Variants in ITGA9 observed in about 807,000 individuals in gnomAD.
ITGA9 encodes the protein integrin subunit alpha 9, also known as integrin alpha-9.
Under a neutral mutation model 127.8 loss-of-function variants are expected in ITGA9, and 56 were observed. The observed-to-expected ratio is 0.44, with a 90% confidence interval of 0.35 to 0.55. The LOEUF (loss-of-function observed/expected upper bound fraction) is 0.55. ITGA9 is among the 20% of genes least tolerant of loss of function. The pLI, the probability that ITGA9 is intolerant of heterozygous loss-of-function variation, is 0.00. For synonymous variants in ITGA9, 508 were observed against 514.5 expected, an observed-to-expected ratio of 0.99 and a Z score of 0.17; for missense variants, 1,196 against 1,347.1, an observed-to-expected ratio of 0.89 and a Z score of 1.76.
chr3:37,663,913 A>T (rs1368782213), intron 17 of ITGA9, among the ~76,000 whole-genome samples: 1 of 152,210 alleles, frequency 6.6e-6, no homozygotes, highest in Admixed American at 6.5e-5. Flanking sequence ...TACATATCCA[A>T]GTGCTTCTAA....
At chr3:37,595,905 T>C (rs894581220) in intron 15 of ITGA9, among the ~76,000 whole-genome samples, 7 of 152,216 alleles carry the variant, frequency 4.6e-5, no homozygotes, top group African/African-American at 1.7e-4. Context: ...TGTCTCAGCA[T>C]GGCAGGAAGG....
chr3:37,500,891 A>G (rs569371907), intron 5 of ITGA9, among the ~76,000 whole-genome samples: 3 of 152,310 alleles, frequency 2.0e-5, no homozygotes, highest in African/African-American at 7.2e-5. Context: ...AGCATCTGTT[A>G]TCCCCATGAG....
chr3:37,710,576 C>T (rs778530530), intron 18 of ITGA9, among the ~76,000 whole-genome samples: 5 of 152,296 alleles, frequency 3.3e-5, no homozygotes, highest in Non-Finnish European at 5.9e-5. Flanking sequence ...TCCTGAACAT[C>T]GGAGATAGAT....
At chr3:37,581,788 G>C (rs769859184) in intron 15 of ITGA9, among the ~76,000 whole-genome samples, 1 of 152,166 alleles carries the variant, frequency 6.6e-6, no homozygotes, top group East Asian at 1.9e-4. Flanking sequence ...ACTTGGGATG[G>C]GCTTTGGAAC....
intron 4 of ITGA9, among the ~76,000 whole-genome samples, chr3:37,485,502 G>T (rs905262956): frequency 2.0e-5 from 3 of 152,102 alleles, no homozygotes; most frequent in African/African-American, 4.8e-5. Flanking sequence ...ACCGCTTTGG[G>T]TTATGGTGAG....
intron 18 of ITGA9, among the ~76,000 whole-genome samples, chr3:37,730,465 A>T (rs1320744543): frequency 6.6e-6 from 1 of 152,180 alleles, no homozygotes; most frequent in Non-Finnish European, 1.5e-5. Context: ...TTGAGAAATT[A>T]TTCTCTGGTT....
chr3:37,816,383 G>A (rs1353929350), intron 27 of ITGA9, among the ~76,000 whole-genome samples: 2 of 152,286 alleles, frequency 1.3e-5, no homozygotes, highest in African/African-American at 2.4e-5. Context: ...TACAACATCA[G>A]CAGCCAAAGG....
Position 37,526,058 on chromosome 3 carries a change from G to A in ITGA9, c.1360G>A (p.Val454Met), listed in dbSNP as rs199626430. ...VTVGAFMSDSVVLLRARPVIT... is the reference protein window; with the variant it reads ...VTVGAFMSDSMVLLRARPVIT... ...TGTTGGAGCCTTCATGTCCGACAGC[G>A]TGGTTCTTCTCAGGTGAGAGGCCCC... is the stretch of plus-strand genomic sequence containing the variant. Residue 454 changes from valine to methionine, a missense_variant, in exon 13 of 28, where the codon GTG becomes ATG. Transcript: ENST00000264741. The A allele has an allele frequency of 3.7e-5, 60 of 1,614,070 alleles. No individual in the cohort carries two copies. Among genetic ancestry groups the A allele is most frequent in the Admixed American group, 2.5e-4 (15 of 60,016 alleles).
chr3:37,623,116 C>G (rs1158169799), intron 15 of ITGA9, among the ~76,000 whole-genome samples: 2 of 152,086 alleles, frequency 1.3e-5, no homozygotes, highest in African/African-American at 4.8e-5. Flanking sequence ...CAAACAACTT[C>G]TGGGTCACTG....
At chr3:37,743,816 G>T (rs572301831) in intron 21 of ITGA9, 110 bp from the exon 22 acceptor site, 2 of 805,028 alleles carry the variant, frequency 2.5e-6, no homozygotes, top group Non-Finnish European at 4.4e-6. Context: ...GAAGCACTGG[G>T]TGCAAGACAC....
intron 22 of ITGA9, among the ~76,000 whole-genome samples, chr3:37,744,556 G>C (rs1387628682): frequency 6.6e-6 from 1 of 152,220 alleles, no homozygotes; most frequent in African/African-American, 2.4e-5. Flanking sequence ...CCCTCACTGA[G>C]CCATGGCTGG....
intron 15 of ITGA9, among the ~76,000 whole-genome samples, chr3:37,573,665 G>A (rs114349411): frequency 0.027 from 4,081 of 152,266 alleles, 177 homozygotes; most frequent in African/African-American, 0.091. Context: ...TGAGATTTCC[G>A]AGAGAGTGCG....
chr3:37,788,736 TTC>T (rs1697069952), intron 26 of ITGA9, among the ~76,000 whole-genome samples: 1 of 152,182 alleles, frequency 6.6e-6, no homozygotes, highest in Non-Finnish European at 1.5e-5. Flanking sequence ...TTGATATTTT[TTC>T]TCTCTTTCAA....
At position 37,814,827 on chromosome 3, in the gene ITGA9, G is replaced by A. The variant is rs1697410725; in HGVS notation, c.3010-4064G>A. ...CCCCCAGCCCCTTAAATGCAGTGTA[G>A]CACCTGCACTACTGTACCTACAACT... On this transcript the variant is annotated intron_variant, in intron 27 of 27. Transcript: ENST00000264741. This position sits in a 1 kb window ranked among gnomAD's most constrained non-coding sequence, Gnocchi z 4.3. Among the ~76,000 whole-genome samples the A allele has an allele frequency of 6.6e-6, 1 of 152,152 alleles. No individual in the cohort carries two copies. The highest frequency in any genetic ancestry group is 2.1e-4 in the South Asian group (1 of 4,832).
chr3:37,468,077 T>C (rs938043881), intron 1 of ITGA9, among the ~76,000 whole-genome samples: 2 of 152,194 alleles, frequency 1.3e-5, no homozygotes, highest in African/African-American at 4.8e-5. Flanking sequence ...CAATGTGATC[T>C]GTTTGGGAAA....
intron 15 of ITGA9, among the ~76,000 whole-genome samples, chr3:37,596,497 G>A (rs1367792114): frequency 6.6e-6 from 1 of 152,192 alleles, no homozygotes; most frequent in Non-Finnish European, 1.5e-5. Flanking sequence ...GCTCCTGAGA[G>A]CTAGCCTGAC....
chr3:37,615,587 A>G (rs998348445), intron 15 of ITGA9, among the ~76,000 whole-genome samples: 27 of 152,190 alleles, frequency 1.8e-4, no homozygotes, highest in Middle Eastern at 3.2e-3. Flanking sequence ...CTGTGAATCC[A>G]TCTGGTCCTG....
intron 15 of ITGA9, among the ~76,000 whole-genome samples, chr3:37,605,229 T>A (rs1699957098): frequency 6.6e-6 from 1 of 151,922 alleles, no homozygotes; most frequent in Non-Finnish European, 1.5e-5. Flanking sequence ...GACTAGAGTT[T>A]GGAGGATGAG....
intron 14 of ITGA9, among the ~76,000 whole-genome samples, chr3:37,539,674 A>G (rs1162987390): frequency 6.6e-6 from 1 of 152,232 alleles, no homozygotes; most frequent in East Asian, 1.9e-4. Context: ...CTAATATAAA[A>G]AAATACCTTC....
Sources: allele counts gnomAD v4.1 joint callset (sites outside exome capture counted in the v4.1 genomes callset), GRCh38; gene constraint gnomAD v4.1.1; non-coding constraint Gnocchi (gnomAD v3.1); transcripts MANE v1.5; gene names NCBI Gene and HGNC (gene_info 2026-07-23, HGNC 2026-07-21).